Variants in LGALS9 observed in about 807,000 individuals in gnomAD.
LGALS9 encodes the protein galectin-9.
LGALS9 carries 26 observed loss-of-function variants against 35.9 expected under a neutral mutation model. The observed-to-expected ratio is 0.72, with a 90% CI of 0.53 to 1.01. The LOEUF (loss-of-function observed/expected upper bound fraction) is 1.01. Among genes scored for constraint, LGALS9 ranks in the 50% least tolerant of loss-of-function variants. The pLI, the probability that LGALS9 is intolerant of heterozygous loss-of-function variation, is 0.00. For missense variants in LGALS9, 347 were observed against 445.8 expected (o/e 0.78, Z 1.99); for synonymous variants, 149 against 172.2 (o/e 0.87, Z 1.06).
At chr17:27,631,722 G>A (rs1379360349) in intron 1 of LGALS9, among the ~76,000 whole-genome samples, 1 of 152,144 alleles carries the variant, frequency 6.6e-6, no homozygotes, top group East Asian at 1.9e-4. Context: ...GTGGTCTCTG[G>A]GCCTCAGTTT....
chr17:27,636,674 C>T (rs541759922), intron 1 of LGALS9, among the ~76,000 whole-genome samples: 3 of 151,924 alleles, frequency 2.0e-5, no homozygotes, highest in Non-Finnish European at 2.9e-5. Flanking sequence ...GGTCCCATTA[C>T]GTTGTTCAGG....
intron 1 of LGALS9, among the ~76,000 whole-genome samples, chr17:27,636,423 A>G (rs1047477706): frequency 6.6e-6 from 1 of 152,124 alleles, no homozygotes; most frequent in Non-Finnish European, 1.5e-5. Context: ...AGCAAATCCA[A>G]AGATACCATT....
In LGALS9 at chr17:27,645,764, C is replaced by T. The variant is rs1291757591; in HGVS notation, c.577-97C>T. The T allele has an allele frequency of 1.3e-5, 12 of 940,784 alleles. No homozygotes were observed. The East Asian group carries it at 1.8e-4, about 14-fold the overall frequency. The allele number at this position is 940,784 out of a possible 1,614,324, so 58.3% of individuals were successfully genotyped here. A position where few individuals can be genotyped will look rare whatever the true frequency, so the allele number is the denominator to read the frequency against. ...GTCTGTGGGGCCATTGGGCTTGTTACGCCCCCTGGAGGGTGCCTGCCGTGT... is the reference window on the plus strand; with the variant it reads ...GTCTGTGGGGCCATTGGGCTTGTTATGCCCCCTGGAGGGTGCCTGCCGTGT... On this transcript the variant is annotated intron_variant, in intron 6 of 10. Transcript: ENST00000395473.
At chr17:27,645,515 T>C in intron 6 of LGALS9, 166 bp downstream of exon 6, 3 of 1,126,276 alleles carry the variant, frequency 2.7e-6, no homozygotes, top group Admixed American at 5.6e-5. Context: ...GATGTGGGGG[T>C]TGGATGAAAC....
intron 3 of LGALS9, 28 bp from the exon 4 acceptor site, chr17:27,642,210 C>T (rs778679242): frequency 5.8e-6 from 9 of 1,556,274 alleles, no homozygotes; most frequent in Non-Finnish European, 7.9e-6. Context: ...GGGATGCCTC[C>T]CCCAGAACAT....
intron 2 of LGALS9, 78 bp from the exon 3 acceptor site, chr17:27,640,494 C>G (rs559448752): frequency 6.3e-7 from 1 of 1,594,824 alleles, no homozygotes; most frequent in African/African-American, 1.3e-5. Context: ...ATGCAAAGCA[C>G]AGGCGCCGAG....
chr17:27,643,343 G>A (rs1231647999), intron 4 of LGALS9, among the ~76,000 whole-genome samples, 182 bp from the exon 5 acceptor site: 5 of 152,124 alleles, frequency 3.3e-5, no homozygotes, highest in East Asian at 1.9e-4. Context: ...GAGGGAGACC[G>A]CACCCCTGCA....
chr17:27,645,652 G>A (rs1213252240), intron 6 of LGALS9: 41 of 597,868 alleles, frequency 6.9e-5, no homozygotes, highest in East Asian at 1.4e-4. Flanking sequence ...AGCCACCAGC[G>A]TCCCCATCTG....
In LGALS9 at chr17:27,648,931, C is replaced by T. The variant is rs1464566622; in HGVS notation, c.1017C>T (p.Ile339=). 6.2e-7 allele frequency: 1 copy of T among 1,613,854 alleles called. No homozygotes were observed. Reference sequence around the variant, plus strand: ...ATCGCCTGAGGAACCTGCCCACCATCAACAGACTGGAAGTGGGGGGCGACA... The same window carrying T: ...ATCGCCTGAGGAACCTGCCCACCATTAACAGACTGGAAGTGGGGGGCGACA... ...YYHRLRNLPT[I]NRLEVGGDIQ... The change falls in exon 11 of 11, where the codon ATC becomes ATT. Residue 339 remains isoleucine (I), a synonymous_variant. Coordinates refer to ENST00000395473, the MANE Select transcript of LGALS9 (RefSeq NM_009587.3).
At chr17:27,642,498 C>G (rs1182231755) in intron 4 of LGALS9, 150 bp downstream of exon 4, 7 of 1,152,246 alleles carry the variant, frequency 6.1e-6, no homozygotes, top group Non-Finnish European at 8.5e-6. Context: ...TACCTGCCCG[C>G]CCCTTCTCCT....
intron 5 of LGALS9, chr17:27,644,504 A>G (rs2151296273): frequency 6.6e-6 from 1 of 152,532 alleles, no homozygotes; most frequent in East Asian, 1.9e-4. Flanking sequence ...TCACACAGCC[A>G]GGGAGAATGG....
chr17:27,645,285 C>T (rs2304886), intron 5 of LGALS9, 29 bp from the exon 6 acceptor site: 332,813 of 1,598,332 alleles, frequency 0.21, 10,316 homozygotes, highest in African/African-American at 0.34. Context: ...CCGCGATAAC[C>T]ACCATTCTGA....
At chr17:27,647,172 CCAGCCATTCCCCTGGCTTCAGGAAG>C in intron 9 of LGALS9, 54 bp downstream of exon 9, 1 of 1,614,008 alleles carries the variant, frequency 6.2e-7, no homozygotes, top group Non-Finnish European at 8.5e-7. Context: ...CAAGGTCAGT[CCAGCCATTCCCCTGGCTTCAGGAAG>C]GCTACTGATG....
At chr17:27,640,154 C>T (rs1475107875) in intron 2 of LGALS9, among the ~76,000 whole-genome samples, 2 of 152,150 alleles carry the variant, frequency 1.3e-5, no homozygotes, top group Admixed American at 1.3e-4. Flanking sequence ...ATTTCACATG[C>T]TCTTTACATT....
chr17:27,648,823 G>C lies in LGALS9; in HGVS notation c.922-13G>C, dbSNP rs374940425. The C allele has an allele frequency of 2.6e-4, 423 of 1,613,598 alleles. 7 individuals are homozygous for C. The African/African-American group carries it at 5.1e-3, about 20-fold the overall frequency. Reference sequence around the variant, plus strand: ...TTCCCAAGTGTAGTGCAAACGGCATGATCTCTGCACAGGTGTGGATCTTGT... The same window carrying C: ...TTCCCAAGTGTAGTGCAAACGGCATCATCTCTGCACAGGTGTGGATCTTGT... On this transcript the variant is annotated splice_polypyrimidine_tract_variant and intron_variant, in intron 10 of 10. Coordinates refer to ENST00000395473, the MANE Select transcript of LGALS9 (RefSeq NM_009587.3).
chr17:27,643,829 C>T (rs1191664748), intron 5 of LGALS9, among the ~76,000 whole-genome samples: 2 of 152,166 alleles, frequency 1.3e-5, no homozygotes, highest in Non-Finnish European at 2.9e-5. Context: ...TACGTCTCTC[C>T]AAGGCACGAA....
chr17:27,648,706 G>A (rs535732967), intron 10 of LGALS9, 130 bp from the exon 11 acceptor site: 22 of 1,479,354 alleles, frequency 1.5e-5, no homozygotes, highest in Non-Finnish European at 1.8e-5. Context: ...CGTTCAGTGG[G>A]GATAGAGTGC....
intron 1 of LGALS9, among the ~76,000 whole-genome samples, chr17:27,632,744 A>G (rs149970725): frequency 6.1e-4 from 93 of 152,354 alleles, no homozygotes; most frequent in African/African-American, 1.8e-3. Context: ...CAGAGAGTTA[A>G]AACAGGGCCT....
At chr17:27,632,478 A>G (rs1189574771) in intron 1 of LGALS9, among the ~76,000 whole-genome samples, 1 of 152,164 alleles carries the variant, frequency 6.6e-6, no homozygotes, top group Admixed American at 6.5e-5. Flanking sequence ...CCTGGCTGTC[A>G]CCAATGACAC....
Sources: gnomAD v4.1 joint callset for allele counts (sites outside exome capture counted in the v4.1 genomes callset) on GRCh38, gnomAD v4.1.1 for gene constraint, MANE v1.5 for transcripts, NCBI Gene and HGNC (gene_info 2026-07-23, HGNC 2026-07-21) for gene names.